Variants in CACNB2 observed in about 807,000 individuals in gnomAD.
CACNB2 encodes the protein voltage-dependent L-type calcium channel subunit beta-2.
Under a neutral mutation model 73.3 loss-of-function variants are expected in CACNB2, and 42 were observed. That is an observed-to-expected ratio of 0.57 (90% CI 0.45 to 0.74). CACNB2 has a LOEUF of 0.74. Among genes scored for constraint, CACNB2 ranks in the 30% least tolerant of loss-of-function variants. The pLI, the probability that CACNB2 is intolerant of heterozygous loss-of-function variation, is 0.00. For missense variants in CACNB2, 940 were observed against 853.0 expected, an observed-to-expected ratio of 1.10 and a Z score of -1.27; for synonymous variants, 348 against 310.3, an observed-to-expected ratio of 1.12 and a Z score of -1.28.
chr10:18,475,687 A>T (rs971801656), intron 3 of CACNB2, among the ~76,000 whole-genome samples: 1 of 152,340 alleles, frequency 6.6e-6, no homozygotes, highest in African/African-American at 2.4e-5. Context: ...AAGATTGGTT[A>T]GGAAAGATCC....
rs769211879 is a variant in CACNB2, at chr10:18,150,879, T to TTTTTTTTTTTTTTTTTTTG, written c.121-3_121-2insTTTTTTTTTTTTTTTTTGT. On this transcript the variant is annotated splice_polypyrimidine_tract_variant and splice_region_variant and intron_variant, in intron 1 of 13. Transcript: ENST00000324631. ...TCTTTTTTTTTTTTTTTTTTTTTTT[T>TTTTTTTTTTTTTTTTTTTG]TAGTCATATGGAAAAGGAGCCAGAA... 6.7e-5 allele frequency: 85 copies of TTTTTTTTTTTTTTTTTTTG among 1,259,838 alleles called. 9 individuals are homozygous for TTTTTTTTTTTTTTTTTTTG. Among genetic ancestry groups the TTTTTTTTTTTTTTTTTTTG allele is most frequent in the African/African-American group, 2.4e-4 (14 of 59,526 alleles). The allele number at this position is 1,259,838 out of a possible 1,614,324, so 78.0% of individuals were successfully genotyped here. A position where few individuals can be genotyped will look rare whatever the true frequency, so the allele number is the denominator to read the frequency against.
intron 2 of CACNB2, among the ~76,000 whole-genome samples, chr10:18,280,644 G>A (rs1368098418): frequency 6.6e-6 from 1 of 152,114 alleles, no homozygotes; most frequent in Non-Finnish European, 1.5e-5. Context: ...ACTGTACATG[G>A]CAGCCCTGTC....
intron 3 of CACNB2, among the ~76,000 whole-genome samples, chr10:18,444,396 A>G (rs1338284393): frequency 6.6e-6 from 1 of 152,200 alleles, no homozygotes; most frequent in Non-Finnish European, 1.5e-5. Flanking sequence ...AAGTTACTGA[A>G]TTGATTGTAT....
chr10:18,186,409 A>G (rs1233125801), intron 2 of CACNB2, among the ~76,000 whole-genome samples: 1 of 150,338 alleles, frequency 6.7e-6, no homozygotes. Flanking sequence ...ACAAGAGTGA[A>G]ACTCCGTCTG....
In CACNB2 at chr10:18,501,881, A is replaced by G. The variant is rs372556419; in HGVS notation, c.593+933A>G. Among the ~76,000 whole-genome samples, 12 of 152,344 alleles carry G rather than the reference A, an allele frequency of 7.9e-5. No individual in the cohort carries two copies. In the East Asian group the frequency reaches 2.1e-3, roughly 27 times the overall value. ...CTGGCTTTTCATAATTGTCAAGTTC[A>G]TTTAGTTCAGACGGATTCCTCTGTG... is the stretch of plus-strand genomic sequence containing the variant. On this transcript the variant is annotated intron_variant, in intron 5 of 13. Coordinates refer to ENST00000324631, the MANE Select transcript of CACNB2 (RefSeq NM_201596.3).
intron 3 of CACNB2, among the ~76,000 whole-genome samples, chr10:18,407,107 G>GTTTT (rs1293331753): frequency 2.0e-5 from 1 of 49,560 alleles, no homozygotes; most frequent in South Asian, 1.1e-3. Context: ...CTGCTGTTCT[G>GTTTT]TCTTTTTTTT....
At chr10:18,436,564 A>T (rs1475089655) in intron 3 of CACNB2, among the ~76,000 whole-genome samples, 3 of 152,176 alleles carry the variant, frequency 2.0e-5, no homozygotes, top group Admixed American at 6.5e-5. Flanking sequence ...CTTTTATTTG[A>T]CTTACATGTG....
At chr10:18,219,836 C>T (rs1044837577) in intron 2 of CACNB2, among the ~76,000 whole-genome samples, 12 of 150,696 alleles carry the variant, frequency 8.0e-5, no homozygotes, top group Non-Finnish European at 1.8e-4. Flanking sequence ...GAGGCACAGT[C>T]TCAGCTCACT....
intron 2 of CACNB2, among the ~76,000 whole-genome samples, chr10:18,151,936 A>T (rs2031595697): frequency 6.6e-6 from 1 of 152,130 alleles, no homozygotes; most frequent in Non-Finnish European, 1.5e-5. Flanking sequence ...ATGGCCATAG[A>T]TTCCACCCCT....
chr10:18,251,971 G>A (rs147257300), intron 2 of CACNB2, among the ~76,000 whole-genome samples: 133 of 152,108 alleles, frequency 8.7e-4, no homozygotes, highest in African/African-American at 3.0e-3. Context: ...TATCACCCAG[G>A]GATAAAGAGT....
intron 3 of CACNB2, among the ~76,000 whole-genome samples, chr10:18,447,804 T>A (rs2046808132): frequency 6.6e-6 from 1 of 152,050 alleles, no homozygotes; most frequent in Non-Finnish European, 1.5e-5. Flanking sequence ...TAATGAAAGT[T>A]TAGAGGAAGA....
intron 3 of CACNB2, among the ~76,000 whole-genome samples, chr10:18,406,233 G>A (rs2044281370): frequency 6.6e-6 from 1 of 152,126 alleles, no homozygotes; most frequent in African/African-American, 2.4e-5. Flanking sequence ...GGGAAGGGAG[G>A]GATAGAGAGG....
intron 2 of CACNB2, among the ~76,000 whole-genome samples, chr10:18,344,987 A>G (rs879592162): frequency 6.6e-6 from 1 of 152,198 alleles, no homozygotes; most frequent in Non-Finnish European, 1.5e-5. Context: ...TTTTGAGATC[A>G]CTGTTTAATC....
At chr10:18,536,044 C>A in intron 11 of CACNB2, 57 bp from the exon 12 acceptor site, 2 of 1,031,614 alleles carry the variant, frequency 1.9e-6, no homozygotes, top group East Asian at 2.5e-5. Context: ...AATAATGTAC[C>A]TTGTACTTTA....
rs747480172 is a variant in CACNB2, at chr10:18,498,364, G to T, written c.343G>T (p.Val115Phe). 3 of 1,613,926 alleles carry T rather than the reference G, an allele frequency of 1.9e-6. No individual in the cohort carries two copies. Among genetic ancestry groups the T allele is most frequent in the Non-Finnish European group, 2.5e-6 (3 of 1,179,980 alleles). The change falls in exon 4 of 14, where the codon GTT becomes TTT. Residue 115 changes from valine to phenylalanine, a missense_variant. Coordinates refer to ENST00000324631, the MANE Select transcript of CACNB2 (RefSeq NM_201596.3). Reference sequence around the variant, plus strand: ...CCTTTTCCCACTTTAGACAAAGCCCGTTGCATTTGCGGTTCGGACAAATGT... The same window carrying T: ...CCTTTTCCCACTTTAGACAAAGCCCTTTGCATTTGCGGTTCGGACAAATGT... ...AQLEKAKTKP[V>F]AFAVRTNVSY...
chr10:18,446,890 C>T (rs182814713), intron 3 of CACNB2, among the ~76,000 whole-genome samples: 1 of 152,018 alleles, frequency 6.6e-6, no homozygotes. Flanking sequence ...TACAGTGAGA[C>T]CCTGTCTCTA....
intron 2 of CACNB2, among the ~76,000 whole-genome samples, chr10:18,306,291 G>A (rs998237097): frequency 1.2e-4 from 18 of 152,294 alleles, no homozygotes; most frequent in South Asian, 8.3e-4. Flanking sequence ...TTGAGGGAAC[G>A]TGTAGGTATA....
At chr10:18,338,638 T>G (rs1205134395) in intron 2 of CACNB2, among the ~76,000 whole-genome samples, 1 of 140,796 alleles carries the variant, frequency 7.1e-6, no homozygotes, top group East Asian at 2.0e-4. Context: ...TTCCCTTCCT[T>G]CCTTCTTTCT....
chr10:18,470,648 A>G (rs2048137217), intron 3 of CACNB2, among the ~76,000 whole-genome samples: 1 of 152,026 alleles, frequency 6.6e-6, no homozygotes, highest in Non-Finnish European at 1.5e-5. Flanking sequence ...CCCCTAAATT[A>G]TACATGCAGT....
Sources: allele counts gnomAD v4.1 joint callset (sites outside exome capture counted in the v4.1 genomes callset), GRCh38; gene constraint gnomAD v4.1.1; transcripts MANE v1.5; gene names NCBI Gene and HGNC (gene_info 2026-07-23, HGNC 2026-07-21).